The following NRIP1 variants were observed in gnomAD, a reference collection of about 807,000 sequenced individuals.
NRIP1 encodes the protein nuclear receptor interacting protein 1, also known as nuclear receptor-interacting protein 1.
Under a neutral mutation model 75.0 loss-of-function variants are expected in NRIP1, and 28 were observed. The ratio of observed to expected loss-of-function variants is 0.37; its 90% CI spans 0.28 to 0.51. The LOEUF (loss-of-function observed/expected upper bound fraction) is 0.51. Ranked by LOEUF, NRIP1 falls within the 20% of genes least tolerant of loss-of-function variation. The pLI is 0.92. For synonymous variants in NRIP1, 526 were observed against 487.6 expected (o/e 1.08, Z -1.04); for missense variants, 1,435 against 1,343.7 (o/e 1.07, Z -1.06).
chr21:14,995,106 A>G (rs1211307451), intron 3 of NRIP1, among the ~76,000 whole-genome samples: 3 of 152,070 alleles, frequency 2.0e-5, no homozygotes. Flanking sequence ...TCCAAATAAA[A>G]CAAATGGAAA....
chr21:14,995,987 C>A (rs1020257530), intron 3 of NRIP1, among the ~76,000 whole-genome samples: 1 of 152,154 alleles, frequency 6.6e-6, no homozygotes, highest in Non-Finnish European at 1.5e-5. Flanking sequence ...AACCTTATCT[C>A]GCATCATTTA....
rs1021050922 is a variant in NRIP1 at position 15,064,772 on chromosome 21, G to A, written c.-565C>T. The A allele has an allele frequency of 8.0e-4, 118 of 147,676 alleles. 1 individual carries two copies. In the East Asian group the frequency reaches 0.013, roughly 16 times the overall value. 9.1% of individuals were successfully genotyped at this position (147,676 alleles called of 1,614,324 possible). The stretch of plus-strand genomic sequence containing the variant: ...CAGGCCGCCGCGGCTCCCAGCCTCC[G>A]GCTCCGTCAGGCTCGGTCCGCGAAG... On this transcript the variant is annotated 5_prime_UTR_variant, in exon 1 of 4. Transcript: ENST00000318948.
Position 14,968,312 on chromosome 21 carries a change from G to C in NRIP1, c.-120C>G. ...AGTTTATCACCTTCCATCGCAATCA[G>C]AGAGAGACGTACTGTTACATTCTGT... is the stretch of plus-strand genomic sequence containing the variant. On this transcript the variant is annotated 5_prime_UTR_variant, in exon 4 of 4. Coordinates refer to ENST00000318948, the MANE Select transcript of NRIP1 (RefSeq NM_003489.4). 1.5e-6 allele frequency: 1 copy of C among 674,464 alleles called. No homozygotes were observed. The highest frequency in any genetic ancestry group is 2.6e-6 in the Non-Finnish European group (1 of 390,198). 41.8% of individuals were successfully genotyped at this position (674,464 alleles called of 1,614,324 possible).
chr21:15,037,653 C>G (rs2088865349), intron 2 of NRIP1, among the ~76,000 whole-genome samples: 1 of 149,640 alleles, frequency 6.7e-6, no homozygotes, highest in African/African-American at 2.5e-5. Context: ...TAAAAGAAAA[C>G]TAGTAGGGTT....
Position 14,964,619 on chromosome 21 carries a change from T to C in NRIP1, c.*97A>G, listed in dbSNP as rs2086671094. The stretch of plus-strand genomic sequence containing the variant: ...TTCAAAATGAAAAAAGTTTCAATTA[T>C]ACCATGCTTTTTTTCAAATCATGCT... On this transcript the variant is annotated 3_prime_UTR_variant, in exon 4 of 4. Transcript: ENST00000318948. The C allele has an allele frequency of 2.0e-6, 2 of 982,852 alleles. No homozygotes were observed. Among genetic ancestry groups the C allele is most frequent in the Non-Finnish European group, 2.9e-6 (2 of 684,078 alleles). The allele number at this position is 982,852 out of a possible 1,614,324, so 60.9% of individuals were successfully genotyped here. A position where few individuals can be genotyped will look rare whatever the true frequency, so the allele number is the denominator to read the frequency against.
chr21:14,965,699 C>A lies in NRIP1; in HGVS notation c.2494G>T (p.Ala832Ser). Residue 832 changes from alanine to serine, a missense_variant, in exon 4 of 4, where the codon GCA (alanine) becomes TCA (serine). Physicochemically the swap from Ala to Ser is moderately conservative, Grantham distance 99. Coordinates refer to ENST00000318948, the MANE Select transcript of NRIP1 (RefSeq NM_003489.4). The part of the protein sequence containing the change: ...LLRQNQDSYL[A>S]DDSDRSHRNN... ...CTGTGACTCCTGTCTGAATCATCTG[C>A]CAGGTAACTATCTTGATTTTGTCTT... 6.2e-7 allele frequency: 1 copy of A among 1,613,628 alleles called. No homozygotes were observed. Among genetic ancestry groups the A allele is most frequent in the Non-Finnish European group, 8.5e-7 (1 of 1,179,902 alleles).
chr21:15,045,744 ATCC>A (rs1213700045), intron 1 of NRIP1, among the ~76,000 whole-genome samples: 3 of 152,228 alleles, frequency 2.0e-5, no homozygotes, highest in Non-Finnish European at 2.9e-5. Context: ...ATGGGAGTCA[ATCC>A]TCTCAAACCC....
intron 3 of NRIP1, among the ~76,000 whole-genome samples, chr21:14,984,382 T>C (rs1228356139): frequency 6.7e-6 from 1 of 150,264 alleles, no homozygotes; most frequent in East Asian, 1.9e-4. Context: ...TTTTTTTTTT[T>C]CAACTCCTGA....
intron 2 of NRIP1, among the ~76,000 whole-genome samples, chr21:15,037,783 T>C (rs1417977550): frequency 1.3e-5 from 2 of 152,150 alleles, no homozygotes; most frequent in Non-Finnish European, 2.9e-5. Context: ...AGGAACCAGG[T>C]AGAAATAGGA....
At position 14,966,979 on chromosome 21, in the gene NRIP1, A is replaced by G. The variant is rs1459104127; in HGVS notation, c.1214T>C (p.Phe405Ser). The G allele has an allele frequency of 1.9e-6, 3 of 1,614,158 alleles. No homozygotes were observed. The highest frequency in any genetic ancestry group is 3.3e-5 in the Admixed American group (2 of 60,012). The change falls in exon 4 of 4, where the codon TTT becomes TCT. Residue 405 changes from phenylalanine to serine, a missense_variant. By Grantham distance (155) the Phe-to-Ser change is radical. Coordinates refer to ENST00000318948, the MANE Select transcript of NRIP1 (RefSeq NM_003489.4). Reference sequence around the variant, plus strand: ...AGTTGTAGGTGTACTACTTTCCTCAAAAATGCTTCCTCTCTCACTGTGACT... The same window carrying G: ...AGTTGTAGGTGTACTACTTTCCTCAGAAATGCTTCCTCTCTCACTGTGACT... The part of the protein sequence containing the change: ...GHSHSERGSI[F>S]EESSTPTTID...
intron 3 of NRIP1, among the ~76,000 whole-genome samples, chr21:14,976,252 A>G (rs2087064681): frequency 6.6e-6 from 1 of 152,180 alleles, no homozygotes; most frequent in Non-Finnish European, 1.5e-5. Flanking sequence ...GGTGGAAAAA[A>G]TCATTGTGGT....
intron 3 of NRIP1, among the ~76,000 whole-genome samples, chr21:14,981,573 G>A (rs1376669607): frequency 6.6e-6 from 1 of 152,194 alleles, no homozygotes; most frequent in African/African-American, 2.4e-5. Context: ...CAGATTAGCG[G>A]TCTAGGGAAT....
intron 3 of NRIP1, among the ~76,000 whole-genome samples, chr21:14,980,092 C>T (rs1007391240): frequency 6.6e-6 from 1 of 152,086 alleles, no homozygotes; most frequent in African/African-American, 2.4e-5. Context: ...TATAATTTAT[C>T]CATAGTCTTC....
chr21:15,061,143 G>A (rs1466988311), intron 1 of NRIP1, among the ~76,000 whole-genome samples: 3 of 152,104 alleles, frequency 2.0e-5, no homozygotes, highest in African/African-American at 7.2e-5. Context: ...ATATCTTGTT[G>A]AAAATTTTCT....
intron 3 of NRIP1, among the ~76,000 whole-genome samples, chr21:14,989,481 T>C (rs753071469): frequency 2.0e-5 from 3 of 152,130 alleles, no homozygotes; most frequent in African/African-American, 4.8e-5. Flanking sequence ...TAATTGGACA[T>C]TGGTTGTTTT....
rs573240120 is a variant in NRIP1, at chr21:14,963,263, A to C, written c.*1453T>G. The C allele has an allele frequency of 6.6e-6, 1 of 152,598 alleles. No individual in the cohort carries two copies. Among genetic ancestry groups the C allele is most frequent in the South Asian group, 2.1e-4 (1 of 4,822 alleles). 9.5% of individuals were successfully genotyped at this position (152,598 alleles called of 1,614,324 possible). A position where few individuals can be genotyped will look rare whatever the true frequency, so the allele number is the denominator to read the frequency against. On this transcript the variant is annotated 3_prime_UTR_variant, in exon 4 of 4. Coordinates refer to ENST00000318948, the MANE Select transcript of NRIP1 (RefSeq NM_003489.4). ...GTTCTTAGGACAATGGTTTTAATAA[A>C]GGTTAAGGATGCATTCAGGAGAAGT...
intron 3 of NRIP1, among the ~76,000 whole-genome samples, chr21:14,990,260 T>C (rs933668290): frequency 6.6e-6 from 1 of 152,206 alleles, no homozygotes; most frequent in African/African-American, 2.4e-5. Flanking sequence ...CATCTTTTAT[T>C]TCTCAAGTTT....
At position 14,967,904 on chromosome 21, in the gene NRIP1, T is replaced by A. The variant is rs2086800536; in HGVS notation, c.289A>T (p.Lys97Ter). 1.9e-6 allele frequency: 3 copies of A among 1,614,056 alleles called. No homozygotes were observed. The highest frequency in any genetic ancestry group is 2.7e-5 in the African/African-American group (2 of 74,946). The change falls in exon 4 of 4, where the codon AAG becomes TAG. Residue 97 changes from lysine (K) to a stop codon, truncating the protein, a stop_gained. Transcript: ENST00000318948. LOFTEE classifies it high-confidence loss of function. ...LQSSEDWNAA[K>*]RKRLSDSIMN... ...ATAGAATCAGACAGCCTCTTCCGCT[T>A]TGCTGCATTCCAGTCCTCAGAAGAC... is the stretch of plus-strand genomic sequence containing the variant.
At chr21:14,978,458 G>A (rs1336331217) in intron 3 of NRIP1, among the ~76,000 whole-genome samples, 1 of 152,156 alleles carries the variant, frequency 6.6e-6, no homozygotes, top group Admixed American at 6.5e-5. Context: ...ACTTTCTTCT[G>A]TAGGGTCACA....
Sources: allele counts gnomAD v4.1 joint callset (sites outside exome capture counted in the v4.1 genomes callset), GRCh38; gene constraint gnomAD v4.1.1; transcripts MANE v1.5; gene names NCBI Gene and HGNC (gene_info 2026-07-23, HGNC 2026-07-21).